PPM1L: variants seen among roughly 807,000 people sequenced by gnomAD.
PPM1L encodes the protein protein phosphatase 1L.
Under a neutral mutation model 31.4 loss-of-function variants are expected in PPM1L, and 13 were observed. That is an observed-to-expected ratio of 0.41 (90% confidence interval 0.27 to 0.66). The LOEUF (loss-of-function observed/expected upper bound fraction) is 0.66. PPM1L is among the 30% of genes least tolerant of loss of function. The pLI is 0.29. For missense variants in PPM1L, 326 were observed against 453.7 expected, an observed-to-expected ratio of 0.72 and a Z score of 2.56; for synonymous variants, 184 against 175.4, an observed-to-expected ratio of 1.05 and a Z score of -0.39.
At chr3:160,923,045 A>G (rs185845761) in intron 1 of PPM1L, among the ~76,000 whole-genome samples, 25 of 152,360 alleles carry the variant, frequency 1.6e-4, no homozygotes, top group African/African-American at 6.0e-4. Context: ...TTGCTGTAGA[A>G]TTAACATGGA....
At chr3:160,784,040 T>G (rs1428841978) in intron 1 of PPM1L, among the ~76,000 whole-genome samples, 1 of 152,214 alleles carries the variant, frequency 6.6e-6, no homozygotes, top group Non-Finnish European at 1.5e-5. Context: ...ATTTCACTAT[T>G]GCCAGAACCT....
At chr3:160,950,823 A>G (rs573298856) in intron 1 of PPM1L, among the ~76,000 whole-genome samples, 5 of 152,318 alleles carry the variant, frequency 3.3e-5, no homozygotes, top group African/African-American at 1.2e-4. Context: ...TACCAGTTCC[A>G]CTGGCTTCCT....
At chr3:160,987,085 G>A (rs964814257) in intron 2 of PPM1L, among the ~76,000 whole-genome samples, 7 of 152,192 alleles carry the variant, frequency 4.6e-5, no homozygotes, top group African/African-American at 1.7e-4. Context: ...GGTCAAGGGA[G>A]AACAAAAGGT....
At chr3:160,916,540 C>A (rs1002868729) in intron 1 of PPM1L, among the ~76,000 whole-genome samples, 32 of 152,100 alleles carry the variant, frequency 2.1e-4, no homozygotes, top group Non-Finnish European at 8.8e-5. Context: ...TAAAAATATT[C>A]TTTTTGTCAT....
chr3:160,990,889 A>G (rs1237590341), intron 2 of PPM1L, among the ~76,000 whole-genome samples: 2 of 152,132 alleles, frequency 1.3e-5, no homozygotes, highest in African/African-American at 2.4e-5. Context: ...CCCTTGCTGA[A>G]TAAGTCCCAG....
chr3:160,771,470 T>G (rs953144594), intron 1 of PPM1L, among the ~76,000 whole-genome samples: 2 of 151,280 alleles, frequency 1.3e-5, no homozygotes, highest in African/African-American at 2.4e-5. Context: ...CTTGAACTTC[T>G]GAGCTCAAGC....
At position 160,993,312 on chromosome 3, in the gene PPM1L, A is replaced by G. The variant is rs1334212333; in HGVS notation, c.574+31402A>G. ...AGGCATGTCAACAACTATATGAATTAGGGAGCATCACTTTCTAATCTAGAT... is the reference window on the plus strand; with the variant it reads ...AGGCATGTCAACAACTATATGAATTGGGGAGCATCACTTTCTAATCTAGAT... On this transcript the variant is annotated intron_variant, in intron 2 of 3. Coordinates refer to ENST00000498165, the MANE Select transcript of PPM1L (RefSeq NM_139245.4). 3.3e-5 allele frequency among the ~76,000 whole-genome samples: 5 copies of G among 152,322 alleles called. No individual in the cohort carries two copies. The East Asian group carries it at 5.8e-4, about 18-fold the overall frequency.
intron 1 of PPM1L, among the ~76,000 whole-genome samples, chr3:160,855,836 T>C (rs868819491): frequency 1.6e-4 from 25 of 152,206 alleles, no homozygotes; most frequent in African/African-American, 6.0e-4. Flanking sequence ...GAACTCCCAT[T>C]CGACCCAGCA....
chr3:160,947,968 C>T (rs1022086356), intron 1 of PPM1L, among the ~76,000 whole-genome samples: 2 of 152,132 alleles, frequency 1.3e-5, no homozygotes, highest in Non-Finnish European at 2.9e-5. Context: ...AAATTCTAAT[C>T]GCACCACTGA....
At chr3:161,006,784 G>A (rs953368437) in intron 2 of PPM1L, among the ~76,000 whole-genome samples, 9 of 147,910 alleles carry the variant, frequency 6.1e-5, no homozygotes, top group African/African-American at 1.5e-4. Flanking sequence ...CTGCGTTCAC[G>A]CCATTCTCCT....
intron 1 of PPM1L, among the ~76,000 whole-genome samples, chr3:160,813,266 T>A (rs1712863587): frequency 6.6e-6 from 1 of 152,202 alleles, no homozygotes; most frequent in African/African-American, 2.4e-5. Flanking sequence ...ATAACAGCTA[T>A]CTCTAGTTAA....
chr3:161,062,295 T>G (rs1209727308), intron 2 of PPM1L, among the ~76,000 whole-genome samples: 1 of 152,130 alleles, frequency 6.6e-6, no homozygotes, highest in Admixed American at 6.5e-5. Context: ...AGTGATCCAT[T>G]CTGGTTTTTA....
chr3:161,065,415 T>G lies in PPM1L; in HGVS notation c.587T>G (p.Leu196Trp). 1 of 1,614,046 alleles carries G rather than the reference T, an allele frequency of 6.2e-7. No homozygotes were observed. The highest frequency in any genetic ancestry group is 8.5e-7 in the Non-Finnish European group (1 of 1,179,916). Residue 196 changes from leucine to tryptophan, a missense_variant, in exon 3 of 4, where the codon TTG (leucine) becomes TGG (tryptophan). This residue lies in a region of PPM1L where 201 missense variants were observed against 298.2 expected (regional missense o/e 0.67). Coordinates refer to ENST00000498165, the MANE Select transcript of PPM1L (RefSeq NM_139245.4). ...TTCTATTTTTCAGGCACAACGTGTT[T>G]GATTGCTCTGCTATCAGATAAAGAC... ...VSYDEAGTTC[L>W]IALLSDKDLT...
chr3:160,901,826 T>G (rs1713554129), intron 1 of PPM1L, among the ~76,000 whole-genome samples: 1 of 152,192 alleles, frequency 6.6e-6, no homozygotes, highest in Non-Finnish European at 1.5e-5. Flanking sequence ...GAAACACTGT[T>G]TATCTTTCCT....
At chr3:160,922,154 C>CA (rs927146242) in intron 1 of PPM1L, among the ~76,000 whole-genome samples, 3 of 151,950 alleles carry the variant, frequency 2.0e-5, no homozygotes, top group Non-Finnish European at 4.4e-5. Flanking sequence ...GCTAAAAATA[C>CA]AAAAAATTAG....
chr3:160,965,904 TC>T (rs1716127201), intron 2 of PPM1L, among the ~76,000 whole-genome samples: 1 of 152,132 alleles, frequency 6.6e-6, no homozygotes, highest in African/African-American at 2.4e-5. Flanking sequence ...CGTCTAAACT[TC>T]TATTAATAAA....
rs1719945647 is a variant in PPM1L, at chr3:161,072,194, A to T, written c.*3037A>T. ...CTTTCATCATAGGAATAAACAACAC[A>T]TATAGAAAGCTCCAAAGCTGTTCCC... On this transcript the variant is annotated 3_prime_UTR_variant, in exon 4 of 4. Transcript: ENST00000498165. 6.6e-6 allele frequency: 1 copy of T among 152,190 alleles called. No homozygotes were observed. The highest frequency in any genetic ancestry group is 6.5e-5 in the Admixed American group (1 of 15,286). The allele number at this position is 152,190 out of a possible 1,614,324, so 9.4% of individuals were successfully genotyped here.
At chr3:160,931,402 T>C (rs1397162220) in intron 1 of PPM1L, among the ~76,000 whole-genome samples, 1 of 152,206 alleles carries the variant, frequency 6.6e-6, no homozygotes, top group Non-Finnish European at 1.5e-5. Context: ...ATTTATCCAT[T>C]TAGTTCATTC....
intron 1 of PPM1L, among the ~76,000 whole-genome samples, chr3:160,864,289 C>A (rs1349844071): frequency 6.6e-6 from 1 of 152,074 alleles, no homozygotes; most frequent in Non-Finnish European, 1.5e-5. Flanking sequence ...CTCAGGTGAT[C>A]CCCCGCTGAC....
Sources: allele counts gnomAD v4.1 joint callset (sites outside exome capture counted in the v4.1 genomes callset), GRCh38; gene constraint gnomAD v4.1.1; regional missense constraint gnomAD v4.1.1; transcripts MANE v1.5; gene names NCBI Gene and HGNC (gene_info 2026-07-23, HGNC 2026-07-21).